The following CPT1C variants were observed in gnomAD, a reference collection of about 807,000 sequenced individuals.
CPT1C encodes the protein carnitine palmitoyltransferase 1C.
In CPT1C, 61 loss-of-function variants were observed where a neutral mutation model predicts 97.3. The observed-to-expected ratio is 0.63, with a 90% CI of 0.51 to 0.78. CPT1C has a LOEUF of 0.78. Ranked by LOEUF, CPT1C falls within the 30% of genes least tolerant of loss-of-function variation. CPT1C has a pLI of 0.00. For synonymous variants in CPT1C, 469 were observed against 447.2 expected (o/e 1.05, Z -0.61); for missense variants, 975 against 1,065.5 (o/e 0.92, Z 1.18).
rs936008010 is a variant in CPT1C at position 49,692,398 on chromosome 19, G to A, written c.141+5G>A. 2 of 1,614,112 alleles carry A rather than the reference G, an allele frequency of 1.2e-6. No individual in the cohort carries two copies. The highest frequency in any genetic ancestry group is 8.5e-7 in the Non-Finnish European group (1 of 1,179,982). On this transcript the variant is annotated splice_donor_5th_base_variant and intron_variant, in intron 3 of 19. Coordinates refer to ENST00000598293, the MANE Select transcript of CPT1C (RefSeq NM_001199753.2). ...AGGCATCTCTCACGTTTCTGGGTGAGGAGCGGTGCTGGTCGGTTTCCTTCC... is the reference window on the plus strand; with the variant it reads ...AGGCATCTCTCACGTTTCTGGGTGAAGAGCGGTGCTGGTCGGTTTCCTTCC...
chr19:49,698,662 CAA>C (rs34974547), intron 4 of CPT1C, among the ~76,000 whole-genome samples: 5 of 114,482 alleles, frequency 4.4e-5, no homozygotes, highest in Admixed American at 8.7e-5. Flanking sequence ...GACTCTGTCT[CAA>C]AAAAAAAAAA....
rs747418763 is a variant in CPT1C, at chr19:49,713,695, AC to A, written c.*94del. ...CAGGACAGGGGCAACTGGTTTGGCA[AC>A]CCCACATCCAGGCCAATAAAGATGT... On this transcript the variant is annotated 3_prime_UTR_variant, in exon 20 of 20. Coordinates refer to ENST00000598293, the MANE Select transcript of CPT1C (RefSeq NM_001199753.2). 4.9e-6 allele frequency: 6 copies of A among 1,232,596 alleles called. No individual in the cohort carries two copies. Among genetic ancestry groups the A allele is most frequent in the Non-Finnish European group, 6.9e-6 (6 of 872,428 alleles). 76.4% of individuals were successfully genotyped at this position (1,232,596 alleles called of 1,614,324 possible).
Position 49,710,775 on chromosome 19 carries a change from T to G in CPT1C, c.1784T>G (p.Leu595Arg), listed in dbSNP as rs1361749293. Reference sequence around the variant, plus strand: ...GAGTCGGCCATGACTCGCTTATTCCTGGAAGGCCGGACGGAGACGGTGCGG... The same window carrying G: ...GAGTCGGCCATGACTCGCTTATTCCGGGAAGGCCGGACGGAGACGGTGCGG... ...TYESAMTRLFLEGRTETVRSC... is the reference protein window; with the variant it reads ...TYESAMTRLFREGRTETVRSC... Residue 595 changes from leucine (L) to arginine (R), a missense_variant, in exon 16 of 20, where the codon CTG (leucine) becomes CGG (arginine). By Grantham distance (102) the Leu-to-Arg change is moderately radical. Around this residue, in one of 3 missense-constraint regions of CPT1C, gnomAD observed 344 missense variants for 395.7 expected, o/e 0.87. Transcript: ENST00000598293. The G allele has an allele frequency of 1.2e-6, 2 of 1,613,934 alleles. No homozygotes were observed. Among genetic ancestry groups the G allele is most frequent in the South Asian group, 1.1e-5 (1 of 91,090 alleles).
intron 13 of CPT1C, 108 bp downstream of exon 13, chr19:49,707,731 G>A (rs1376236811): frequency 4.5e-6 from 3 of 667,268 alleles, no homozygotes; most frequent in Admixed American, 3.2e-5. Flanking sequence ...GGCCGGGCAC[G>A]GTGGTTCATG....
chr19:49,711,536 T>A, intron 16 of CPT1C: 1 of 489,318 alleles, frequency 2.0e-6, no homozygotes, highest in Non-Finnish European at 3.7e-6. Context: ...GCCCTACACC[T>A]AGCCCCGCAC....
chr19:49,711,008 A>C, intron 16 of CPT1C, 151 bp downstream of exon 16: 6 of 739,062 alleles, frequency 8.1e-6, no homozygotes, highest in South Asian at 2.0e-5. Context: ...CAAAGAGCTC[A>C]CTGATGGGGG....
chr19:49,695,824 G>A (rs752612771), intron 3 of CPT1C, among the ~76,000 whole-genome samples: 9 of 151,542 alleles, frequency 5.9e-5, no homozygotes, highest in African/African-American at 1.2e-4. Flanking sequence ...CTCGTGATCC[G>A]CCCACCTTGG....
At chr19:49,705,379 G>T (rs1295498630) in intron 10 of CPT1C, 81 bp downstream of exon 10, 27 of 1,201,894 alleles carry the variant, frequency 2.2e-5, no homozygotes, top group African/African-American at 3.1e-5. Context: ...CCGCCTGACT[G>T]AGCTGGGAAC....
At chr19:49,692,197 CG>C in intron 2 of CPT1C, 41 bp from the exon 3 acceptor site, 1 of 1,588,728 alleles carries the variant, frequency 6.3e-7, no homozygotes, top group Non-Finnish European at 8.6e-7. Flanking sequence ...AGTCTGAGGG[CG>C]GAGGGGCTGG....
chr19:49,692,139 G>A, intron 2 of CPT1C, 100 bp from the exon 3 acceptor site: 1 of 1,316,444 alleles, frequency 7.6e-7, no homozygotes. Flanking sequence ...CTGGGGCCTG[G>A]ACTCCTGGGT....
At chr19:49,698,419 T>C (rs1389315092) in intron 4 of CPT1C, among the ~76,000 whole-genome samples, 1 of 151,792 alleles carries the variant, frequency 6.6e-6, no homozygotes, top group East Asian at 1.9e-4. Context: ...TCCCAGCACT[T>C]TGGGAGGCCG....
At position 49,706,357 on chromosome 19, in the gene CPT1C, G is replaced by A. The variant is rs1167102921; in HGVS notation, c.1287G>A (p.Pro429=). 6.0e-6 allele frequency: 9 copies of A among 1,511,056 alleles called. No individual in the cohort carries two copies. Among genetic ancestry groups the A allele is most frequent in the East Asian group, 2.6e-5 (1 of 38,488 alleles). The allele number at this position is 1,511,056 out of a possible 1,614,324, so 93.6% of individuals were successfully genotyped here. The part of the protein sequence containing the change: ...AEPAGLTRED[P]AASLDAYAHA... ...CCGCGGGGCTCACCAGGGAGGACCC[G>A]GCAGCGTCGTTGGATGCCTACGCCC... Residue 429 remains proline (P), a synonymous_variant, in exon 12 of 20, where the codon CCG becomes CCA. Coordinates refer to ENST00000598293, the MANE Select transcript of CPT1C (RefSeq NM_001199753.2). The surrounding 1 kb of genome is among the most constrained non-coding windows in gnomAD (Gnocchi z 4.8).
At chr19:49,711,382 C>T (rs766202304) in intron 16 of CPT1C, 11 of 164,250 alleles carry the variant, frequency 6.7e-5, no homozygotes, top group African/African-American at 9.6e-5. Flanking sequence ...GCTGGGATTA[C>T]AGGCGTGAGC....
In CPT1C at chr19:49,705,047, G is replaced by A. The variant is rs768088467; in HGVS notation, c.812G>A (p.Arg271His). 4 of 1,610,232 alleles carry A rather than the reference G, an allele frequency of 2.5e-6. No individual in the cohort carries two copies. Among genetic ancestry groups the A allele is most frequent in the Admixed American group, 1.7e-5 (1 of 59,856 alleles). Residue 271 changes from arginine (R) to histidine (H), a missense_variant, in exon 9 of 20, where the codon CGC (arginine) becomes CAC (histidine). By Grantham distance (29) the Arg-to-His change is conservative. Around this residue, in one of 3 missense-constraint regions of CPT1C, gnomAD observed 596 missense variants for 603.1 expected, o/e 0.99. Coordinates refer to ENST00000598293, the MANE Select transcript of CPT1C (RefSeq NM_001199753.2). ...YVTPTPLQAA[R>H]AGNAVHALLL... Reference sequence around the variant, plus strand: ...ACACCCACGCCTCTGCAGGCAGCTCGCGCTGGGAATGCCGTCCATGCCCTC... The same window carrying A: ...ACACCCACGCCTCTGCAGGCAGCTCACGCTGGGAATGCCGTCCATGCCCTC...
At position 49,713,575 on chromosome 19, in the gene CPT1C, C is replaced by T; in HGVS notation, c.2382C>T (p.Ser794=). 6.2e-7 allele frequency: 1 copy of T among 1,613,122 alleles called. No individual in the cohort carries two copies. The highest frequency in any genetic ancestry group is 8.5e-7 in the Non-Finnish European group (1 of 1,179,508). ...CGFLSRQTGA[S]KASMTSTDF ...TTCTCTCCCGCCAGACTGGGGCCTC[C>T]AAGGCCTCAATGACATCCACCGACT... The change falls in exon 20 of 20, where the codon TCC becomes TCT. Residue 794 remains serine, a synonymous_variant. Transcript: ENST00000598293.
At position 49,697,483 on chromosome 19, in the gene CPT1C, C is replaced by A. The variant is rs1260991845; in HGVS notation, c.281+18C>A. ...CCTGACTGGTGAGGTCCCCCCACTC[C>A]AGCCCAGTAACCCCCAATCACTCTC... On this transcript the variant is annotated intron_variant, in intron 4 of 19. Transcript: ENST00000598293. 3 of 1,611,338 alleles carry A rather than the reference C, an allele frequency of 1.9e-6. No individual in the cohort carries two copies. Among genetic ancestry groups the A allele is most frequent in the Non-Finnish European group, 2.5e-6 (3 of 1,178,282 alleles).
At chr19:49,707,404 C>T (rs1039164941) in intron 12 of CPT1C, 114 bp from the exon 13 acceptor site, 9 of 746,668 alleles carry the variant, frequency 1.2e-5, no homozygotes, top group African/African-American at 1.7e-5. Context: ...ATACCAGCAC[C>T]CCAATGGATT....
intron 14 of CPT1C, 29 bp downstream of exon 14, chr19:49,708,868 C>A: frequency 7.2e-7 from 1 of 1,382,434 alleles, no homozygotes; most frequent in Non-Finnish European, 1.0e-6. Context: ...GCCTCTCCTC[C>A]AAGTCCCAAG....
Position 49,708,727 on chromosome 19 carries a change from C to G in CPT1C, c.1454C>G (p.Thr485Ser), listed in dbSNP as rs1462314414. The G allele has an allele frequency of 6.2e-7, 1 of 1,613,048 alleles. No individual in the cohort carries two copies. The highest frequency in any genetic ancestry group is 1.7e-5 in the Admixed American group (1 of 59,978). The change falls in exon 14 of 20, where the codon ACT becomes AGT. Residue 485 changes from threonine (T) to serine (S), a missense_variant. Physicochemically the swap from Thr to Ser is moderately conservative, Grantham distance 58. Coordinates refer to ENST00000598293, the MANE Select transcript of CPT1C (RefSeq NM_001199753.2). Reference protein sequence around the residue: ...CPISGHMWEFTLATECFQLGY... With the variant: ...CPISGHMWEFSLATECFQLGY... ...ACAGCCTCTGTTTGCCCACAGTTCA[C>G]TCTGGCTACAGAATGCTTTCAGCTG... is the stretch of plus-strand genomic sequence containing the variant.
Sources: allele counts gnomAD v4.1 joint callset (sites outside exome capture counted in the v4.1 genomes callset), GRCh38; gene constraint gnomAD v4.1.1; regional missense constraint gnomAD v4.1.1; non-coding constraint Gnocchi (gnomAD v3.1); transcripts MANE v1.5; gene names NCBI Gene and HGNC (gene_info 2026-07-23, HGNC 2026-07-21).